TAFA3: variants seen among roughly 807,000 people sequenced by gnomAD.
The protein encoded by TAFA3 is chemokine-like protein TAFA-3.
Under a neutral mutation model 20.7 loss-of-function variants are expected in TAFA3, and 17 were observed. The observed-to-expected ratio is 0.82, with a 90% confidence interval of 0.56 to 1.23. The LOEUF (loss-of-function observed/expected upper bound fraction) is 1.23. Ranked by LOEUF, TAFA3 falls within the 50% of genes most tolerant of loss-of-function variation. The probability of loss-of-function intolerance (pLI) is 0.00; values close to 1 mark genes in which losing one functional copy is unlikely to be tolerated. For missense variants in TAFA3, 174 were observed against 172.8 expected, an observed-to-expected ratio of 1.01 and a Z score of -0.04; for synonymous variants, 74 against 71.8, an observed-to-expected ratio of 1.03 and a Z score of -0.16.
At chr1:112,724,803 CATATT>C (rs1307007058) in intron 5 of TAFA3, among the ~76,000 whole-genome samples, 1 of 22,538 alleles carries the variant, frequency 4.4e-5, no homozygotes, top group Non-Finnish European at 8.5e-5. Flanking sequence ...AAAAAAACAA[CATATT>C]AGAGCAGCAA....
chr1:112,724,816 C>CAAAAAAAAAA, intron 5 of TAFA3, among the ~76,000 whole-genome samples: 1 of 22,654 alleles, frequency 4.4e-5, no homozygotes, highest in Non-Finnish European at 6.9e-5. Context: ...ATTAGAGCAG[C>CAAAAAAAAAA]AAAAAAAAAA....
intron 3 of TAFA3, among the ~76,000 whole-genome samples, chr1:112,722,633 C>T (rs1675356972): frequency 6.6e-6 from 1 of 152,290 alleles, no homozygotes; most frequent in South Asian, 2.1e-4. Context: ...TCTCTAGCCT[C>T]CTGGCCTAAT....
intron 4 of TAFA3, 48 bp downstream of exon 4, chr1:112,723,213 G>T: frequency 6.3e-7 from 1 of 1,592,180 alleles, no homozygotes. Context: ...AGAGCCATAA[G>T]GAGGCCTGTT....
Position 112,726,613 on chromosome 1 carries a change from C to T in TAFA3, c.391-16C>T, listed in dbSNP as rs1283352131. 2 of 1,613,682 alleles carry T rather than the reference C, an allele frequency of 1.2e-6. No individual in the cohort carries two copies. The highest frequency in any genetic ancestry group is 2.7e-5 in the African/African-American group (2 of 74,854). ...GCATTCCCTTCTCTAACCTTACCCTCTCGCTTCTTCACCAGGTCACACGAT... is the reference window on the plus strand; with the variant it reads ...GCATTCCCTTCTCTAACCTTACCCTTTCGCTTCTTCACCAGGTCACACGAT... On this transcript the variant is annotated splice_polypyrimidine_tract_variant and intron_variant, in intron 5 of 5. Coordinates refer to ENST00000361886, the MANE Select transcript of TAFA3 (RefSeq NM_182759.3).
At position 112,722,559 on chromosome 1, in the gene TAFA3, G is replaced by A. The variant is rs549491164; in HGVS notation, c.115+211G>A. 1.0e-3 allele frequency among the ~76,000 whole-genome samples: 155 copies of A among 152,262 alleles called. 5 individuals carry two copies. The South Asian group carries it at 0.031, about 30-fold the overall frequency. ...CAGAGAAGGTCTGGGCAGACCCTTT[G>A]CTCACCTCTCCTTCCAGGCTGGAAG... On this transcript the variant is annotated intron_variant, in intron 3 of 5. Coordinates refer to ENST00000361886, the MANE Select transcript of TAFA3 (RefSeq NM_182759.3).
Position 112,726,816 on chromosome 1 carries a change from A to C in TAFA3, c.*176A>C. The C allele has an allele frequency of 1.1e-6, 1 of 884,058 alleles. No homozygotes were observed. Among genetic ancestry groups the C allele is most frequent in the Non-Finnish European group, 1.8e-6 (1 of 564,756 alleles). 54.8% of individuals were successfully genotyped at this position (884,058 alleles called of 1,614,324 possible). A position where few individuals can be genotyped will look rare whatever the true frequency, so the allele number is the denominator to read the frequency against. ...GCTCAGCAGATATGGATGGATCTGC[A>C]ATCACATACCTAATGTGGAGCTGGG... On this transcript the variant is annotated 3_prime_UTR_variant, in exon 6 of 6. Transcript: ENST00000361886.
intron 4 of TAFA3, 128 bp downstream of exon 4, chr1:112,723,293 G>T: frequency 7.7e-7 from 1 of 1,302,152 alleles, no homozygotes; most frequent in Non-Finnish European, 1.0e-6. Context: ...GTCTCAAATG[G>T]TGGGGCCCCC....
At chr1:112,722,497 T>C in intron 3 of TAFA3, 149 bp downstream of exon 3, 2 of 676,402 alleles carry the variant, frequency 3.0e-6, no homozygotes, top group South Asian at 3.8e-5. Flanking sequence ...CTCTGCTCTT[T>C]ACCCAGGAAT....
At chr1:112,722,437 G>A in intron 3 of TAFA3, 89 bp downstream of exon 3, 1 of 1,115,998 alleles carries the variant, frequency 9.0e-7, no homozygotes, top group South Asian at 1.3e-5. Context: ...ATAGCAGGCA[G>A]GTCTCCCAGG....
chr1:112,722,181 C>T (rs770871372), intron 2 of TAFA3, 52 bp from the exon 3 acceptor site: 5 of 1,585,326 alleles, frequency 3.2e-6, no homozygotes, highest in Non-Finnish European at 4.3e-6. Context: ...TGCCCAGGTG[C>T]ACAGGGGAGC....
intron 4 of TAFA3, 34 bp downstream of exon 4, chr1:112,723,199 G>C: frequency 6.2e-7 from 1 of 1,605,048 alleles, no homozygotes; most frequent in Non-Finnish European, 8.5e-7. Flanking sequence ...GCAGGGCCCT[G>C]AGCAGAGCCA....
intron 4 of TAFA3, 154 bp from the exon 5 acceptor site, chr1:112,723,859 C>G: frequency 1.3e-6 from 2 of 1,511,050 alleles, no homozygotes; most frequent in South Asian, 1.2e-5. Flanking sequence ...AGTACTGCCT[C>G]TCTGGGCAGC....
rs1326911946 is a variant in TAFA3, at chr1:112,719,060, G to C, written c.-299G>C. 6.6e-6 allele frequency among the ~76,000 whole-genome samples: 1 copy of C among 152,206 alleles called. No individual in the cohort carries two copies. The highest frequency in any genetic ancestry group is 1.5e-5 in the Non-Finnish European group (1 of 68,022). On this transcript the variant is annotated 5_prime_UTR_variant, in exon 1 of 6. Transcript: ENST00000361886. Reference sequence around the variant, plus strand: ...TGAGTTCTGCAGAGCTGGCGGGGCCGGGCCCAGAGCTCCCCTGTGCCCAGA... The same window carrying C: ...TGAGTTCTGCAGAGCTGGCGGGGCCCGGCCCAGAGCTCCCCTGTGCCCAGA...
chr1:112,720,773 G>A (rs886448413), intron 2 of TAFA3, 139 bp downstream of exon 2: 2 of 152,418 alleles, frequency 1.3e-5, no homozygotes, highest in African/African-American at 4.8e-5. Flanking sequence ...TGGGGGCCCA[G>A]CAGTGGTCCA....
At chr1:112,726,196 G>C (rs1435406462) in intron 5 of TAFA3, among the ~76,000 whole-genome samples, 1 of 152,098 alleles carries the variant, frequency 6.6e-6, no homozygotes, top group Non-Finnish European at 1.5e-5. Flanking sequence ...CTTCTGAAGA[G>C]AGCAACCATT....
rs141994537 is a variant in TAFA3, at chr1:112,720,067, C to G, written c.-59-510C>G. On this transcript the variant is annotated intron_variant, in intron 1 of 5. Transcript: ENST00000361886. ...GGGACCTGGAGTGTCCCCATTCCAGCCCTCTGGTGTGGGAATGGGGGCAAG... is the reference window on the plus strand; with the variant it reads ...GGGACCTGGAGTGTCCCCATTCCAGGCCTCTGGTGTGGGAATGGGGGCAAG... Among the ~76,000 whole-genome samples, 169 of 152,250 alleles carry G rather than the reference C, an allele frequency of 1.1e-3. 1 individual carries two copies. Among genetic ancestry groups the G allele is most frequent in the African/African-American group, 3.9e-3 (162 of 41,526 alleles).
intron 2 of TAFA3, among the ~76,000 whole-genome samples, chr1:112,721,368 G>A (rs151039509): frequency 0.013 from 2,043 of 152,268 alleles, 21 homozygotes; most frequent in Middle Eastern, 0.031. Flanking sequence ...CTGTTGCCCA[G>A]GCTGGAGTGC....
In TAFA3 at chr1:112,726,970, G is replaced by T; in HGVS notation, c.*330G>T. ...TACTTGATACCAGACTGCGGCTTCT[G>T]GGCCACATGCTATGGCATGATGGGG... is the stretch of plus-strand genomic sequence containing the variant. On this transcript the variant is annotated 3_prime_UTR_variant, in exon 6 of 6. Coordinates refer to ENST00000361886, the MANE Select transcript of TAFA3 (RefSeq NM_182759.3). The T allele has an allele frequency of 3.0e-6, 1 of 337,448 alleles. No individual in the cohort carries two copies. The highest frequency in any genetic ancestry group is 5.5e-6 in the Non-Finnish European group (1 of 181,822). 20.9% of individuals were successfully genotyped at this position (337,448 alleles called of 1,614,324 possible).
At chr1:112,723,873 G>A (rs996900659) in intron 4 of TAFA3, 140 bp from the exon 5 acceptor site, 1 of 1,565,714 alleles carries the variant, frequency 6.4e-7, no homozygotes. Flanking sequence ...GGGCAGCCTG[G>A]AGTAGGGGAA....
Sources: allele counts gnomAD v4.1 joint callset (sites outside exome capture counted in the v4.1 genomes callset), GRCh38; gene constraint gnomAD v4.1.1; transcripts MANE v1.5; gene names NCBI Gene and HGNC (gene_info 2026-07-23, HGNC 2026-07-21).